The following TRAPPC11 variants were observed in gnomAD, a reference collection of about 807,000 sequenced individuals.
TRAPPC11 encodes the protein trafficking protein particle complex subunit 11.
TRAPPC11 carries 104 observed loss-of-function variants against 151.2 expected under a neutral mutation model. The ratio of observed to expected loss-of-function variants is 0.69; its 90% CI spans 0.59 to 0.81. The LOEUF (loss-of-function observed/expected upper bound fraction) is 0.81, where lower values mean the gene tolerates loss of function less well. TRAPPC11 is among the 30% of genes least tolerant of loss of function. The pLI is 0.00. For missense variants in TRAPPC11, 1,230 were observed against 1,349.6 expected (o/e 0.91, Z 1.39); for synonymous variants, 456 against 472.3 (o/e 0.97, Z 0.45).
chr4:183,708,366 G>T, intron 28 of TRAPPC11, 41 bp from the exon 29 acceptor site: 1 of 1,588,360 alleles, frequency 6.3e-7, no homozygotes, highest in South Asian at 1.1e-5. Context: ...TTGCACATAT[G>T]TGTATTTGAT....
At chr4:183,667,541 G>T (rs959076131) in intron 4 of TRAPPC11, among the ~76,000 whole-genome samples, 4 of 152,032 alleles carry the variant, frequency 2.6e-5, no homozygotes, top group African/African-American at 9.7e-5. Context: ...TTTCTGTAGG[G>T]CAAAGAAAAA....
intron 17 of TRAPPC11, 149 bp downstream of exon 17, chr4:183,685,552 T>A: frequency 1.2e-6 from 1 of 831,932 alleles, no homozygotes; most frequent in Non-Finnish European, 1.8e-6. Flanking sequence ...TTGTGTCCCC[T>A]CAGTGACTTA....
At chr4:183,711,068 T>G (rs1737318974) in intron 29 of TRAPPC11, among the ~76,000 whole-genome samples, 1 of 151,996 alleles carries the variant, frequency 6.6e-6, no homozygotes, top group African/African-American at 2.4e-5. Flanking sequence ...GTATATATAG[T>G]GTACATATTT....
At chr4:183,696,417 A>C (rs928741839) in intron 23 of TRAPPC11, among the ~76,000 whole-genome samples, 4 of 152,004 alleles carry the variant, frequency 2.6e-5, no homozygotes, top group Admixed American at 2.0e-4. Context: ...TTATTTTGAC[A>C]TGGGGTCTCA....
Position 183,674,698 on chromosome 4 carries a change from T to G in TRAPPC11, c.561-15T>G. The G allele has an allele frequency of 4.1e-6, 6 of 1,447,142 alleles. No individual in the cohort carries two copies. The highest frequency in any genetic ancestry group is 5.6e-6 in the Non-Finnish European group (6 of 1,073,952). The allele number at this position is 1,447,142 out of a possible 1,614,324, so 89.6% of individuals were successfully genotyped here. ...ATTCAATATGTAAATGCTTGTTTGTTTTTGTTTTTTACAGATTGGAAAATG... is the reference window on the plus strand; with the variant it reads ...ATTCAATATGTAAATGCTTGTTTGTGTTTGTTTTTTACAGATTGGAAAATG... On this transcript the variant is annotated splice_polypyrimidine_tract_variant and intron_variant, in intron 5 of 29. Transcript: ENST00000334690.
At chr4:183,703,072 T>C (rs371490019) in intron 26 of TRAPPC11, among the ~76,000 whole-genome samples, 21 of 152,332 alleles carry the variant, frequency 1.4e-4, no homozygotes, top group African/African-American at 2.4e-4. Flanking sequence ...GTATGACTTA[T>C]TGTTTTCATG....
chr4:183,685,808 A>C (rs1187816756), intron 17 of TRAPPC11, among the ~76,000 whole-genome samples: 1 of 151,956 alleles, frequency 6.6e-6, no homozygotes, highest in Non-Finnish European at 1.5e-5. Context: ...TTTAAATTTT[A>C]TTTTATATTA....
At chr4:183,663,620 C>T (rs553100416) in intron 1 of TRAPPC11, among the ~76,000 whole-genome samples, 15 of 152,022 alleles carry the variant, frequency 9.9e-5, no homozygotes, top group South Asian at 6.2e-4. Flanking sequence ...CCACCTGCTT[C>T]GGCCTCCCAA....
rs1411666786 is a variant in TRAPPC11 at position 183,674,737 on chromosome 4, T to G, written c.585T>G (p.His195Gln). Reference protein sequence around the residue: ...IIRLENAFYEHAQTYYYTEIR... With the variant: ...IIRLENAFYEQAQTYYYTEIR... ...GATTGGAAAATGCCTTTTATGAACATGCACAGACTTATTACTACACTGAGA... is the reference window on the plus strand; with the variant it reads ...GATTGGAAAATGCCTTTTATGAACAGGCACAGACTTATTACTACACTGAGA... Residue 195 changes from histidine to glutamine, a missense_variant, in exon 6 of 30, where the codon CAT becomes CAG. Physicochemically the swap from His to Gln is conservative, Grantham distance 24. Transcript: ENST00000334690. 1 of 1,576,230 alleles carries G rather than the reference T, an allele frequency of 6.3e-7. No individual in the cohort carries two copies. The highest frequency in any genetic ancestry group is 8.6e-7 in the Non-Finnish European group (1 of 1,164,890).
chr4:183,711,113 A>G (rs1365995318), intron 29 of TRAPPC11, among the ~76,000 whole-genome samples: 3 of 134,250 alleles, frequency 2.2e-5, no homozygotes, highest in Non-Finnish European at 4.8e-5. Context: ...AATGTCTACA[A>G]TTTTTTTTTT....
At chr4:183,681,696 C>T (rs753490579) in intron 10 of TRAPPC11, among the ~76,000 whole-genome samples, 3 of 151,294 alleles carry the variant, frequency 2.0e-5, no homozygotes, top group East Asian at 3.9e-4. Flanking sequence ...AGGAGAATGG[C>T]GTGAACCTGG....
chr4:183,674,502 T>A, intron 5 of TRAPPC11, among the ~76,000 whole-genome samples: 1 of 152,072 alleles, frequency 6.6e-6, no homozygotes, highest in East Asian at 1.9e-4. Flanking sequence ...TATCCTGTAT[T>A]ATAAATAATT....
chr4:183,663,472 A>G (rs899235990), intron 1 of TRAPPC11, among the ~76,000 whole-genome samples: 8 of 152,244 alleles, frequency 5.3e-5, no homozygotes, highest in Admixed American at 5.2e-4. Flanking sequence ...TGACCTCGTG[A>G]TCTGCCCACC....
intron 7 of TRAPPC11, among the ~76,000 whole-genome samples, chr4:183,676,831 C>T (rs887266773): frequency 1.3e-5 from 2 of 152,212 alleles, no homozygotes; most frequent in African/African-American, 4.8e-5. Flanking sequence ...GTGGCACGAT[C>T]TCAGCTCACT....
At position 183,665,385 on chromosome 4, in the gene TRAPPC11, T is replaced by C. The variant is rs191952356; in HGVS notation, c.205-872T>C. Among the ~76,000 whole-genome samples, 1,412 of 152,318 alleles carry C rather than the reference T, an allele frequency of 9.3e-3. 17 individuals are homozygous for C. Among genetic ancestry groups the C allele is most frequent in the African/African-American group, 0.029 (1,199 of 41,568 alleles). On this transcript the variant is annotated intron_variant, in intron 2 of 29. Coordinates refer to ENST00000334690, the MANE Select transcript of TRAPPC11 (RefSeq NM_021942.6). The stretch of plus-strand genomic sequence containing the variant: ...CTGGGATTACAGGCGTGAGCCACCG[T>C]GCCAGGCCTACATGATTATTTTTCT...
Position 183,693,125 on chromosome 4 carries a change from A to T in TRAPPC11, c.2215A>T (p.Ile739Phe). The change falls in exon 20 of 30, where the codon ATT becomes TTT. Residue 739 changes from isoleucine (I) to phenylalanine (F), a missense_variant. Transcript: ENST00000334690. Reference protein sequence around the residue: ...LPDNEVHWDSIIIQASTMIIS... With the variant: ...LPDNEVHWDSFIIQASTMIIS... ...TGACAATGAAGTTCACTGGGACAGC[A>T]TTATAATTCAGGCAAGCACAATGTA... The T allele has an allele frequency of 6.2e-7, 1 of 1,606,554 alleles. No individual in the cohort carries two copies.
At chr4:183,699,289 C>G (rs952200666) in intron 25 of TRAPPC11, among the ~76,000 whole-genome samples, 2 of 152,176 alleles carry the variant, frequency 1.3e-5, no homozygotes, top group Non-Finnish European at 2.9e-5. Flanking sequence ...CTCTTCAGGG[C>G]TCTTGTAAAC....
chr4:183,661,430 G>A (rs541273651), intron 1 of TRAPPC11, among the ~76,000 whole-genome samples: 1 of 138,050 alleles, frequency 7.2e-6, no homozygotes, highest in Non-Finnish European at 1.5e-5. Flanking sequence ...GGAGTGCAGT[G>A]GCGCGATCTC....
At chr4:183,709,872 A>G (rs1381095542) in intron 29 of TRAPPC11, among the ~76,000 whole-genome samples, 1 of 152,196 alleles carries the variant, frequency 6.6e-6, no homozygotes, top group African/African-American at 2.4e-5. Flanking sequence ...CCTTCAGTCT[A>G]AAGACATTTC....
Sources: gnomAD v4.1 joint callset for allele counts (sites outside exome capture counted in the v4.1 genomes callset) on GRCh38, gnomAD v4.1.1 for gene constraint, MANE v1.5 for transcripts, NCBI Gene and HGNC (gene_info 2026-07-23, HGNC 2026-07-21) for gene names.